Variants in HFM1 observed in about 807,000 individuals in gnomAD.
HFM1 encodes the protein helicase for meiosis 1.
A neutral mutation model predicts 192.1 loss-of-function variants in HFM1; 169 were observed. The observed-to-expected ratio is 0.88, with a 90% CI of 0.78 to 1.00. The LOEUF (loss-of-function observed/expected upper bound fraction) is 1.00, where lower values mean the gene tolerates loss of function less well. HFM1 is among the 50% of genes least tolerant of loss of function. The pLI, the probability that HFM1 is intolerant of heterozygous loss-of-function variation, is 0.00. For synonymous variants in HFM1, 525 were observed against 537.8 expected (o/e 0.98, Z 0.33); for missense variants, 1,661 against 1,668.0 (o/e 1.00, Z 0.07).
Position 91,385,817 on chromosome 1 carries a change from T to C in HFM1, c.512A>G (p.Asp171Gly). Residue 171 changes from aspartate to glycine, a missense_variant, in exon 5 of 39, where the codon GAC (aspartate) becomes GGC (glycine). Transcript: ENST00000370425. Reference protein sequence around the residue: ...VFRKRLFKISDNIHGSAYSND... With the variant: ...VFRKRLFKISGNIHGSAYSND... ...AGAATAAGCACTCCCATGTATATTG[T>C]CAGATATTTTAAATAATCTGCAAAC... 1 of 1,598,834 alleles carries C rather than the reference T, an allele frequency of 6.3e-7. No homozygotes were observed. Among genetic ancestry groups the C allele is most frequent in the Non-Finnish European group, 8.5e-7 (1 of 1,171,358 alleles).
At chr1:91,264,359 G>GTTTTTTTTTTTTTTTTT (rs1466938761) in intron 36 of HFM1, among the ~76,000 whole-genome samples, 38 of 54,046 alleles carry the variant, frequency 7.0e-4, no homozygotes, top group Middle Eastern at 8.3e-3. Context: ...CACAAATTTA[G>GTTTTTTTTTTTTTTTTT]TATTTTTTTT....
chr1:91,318,911 A>G (rs1651653041), intron 25 of HFM1, among the ~76,000 whole-genome samples, 167 bp downstream of exon 25: 1 of 152,204 alleles, frequency 6.6e-6, no homozygotes, highest in South Asian at 2.1e-4. Context: ...GAATCCTTTA[A>G]GCAGGAGCAA....
At chr1:91,288,948 C>CG in intron 30 of HFM1, among the ~76,000 whole-genome samples, 1 of 133,372 alleles carries the variant, frequency 7.5e-6, no homozygotes, top group East Asian at 2.4e-4. Flanking sequence ...CCCAGACGGG[C>CG]CGGCCGGGCA....
intron 19 of HFM1, 29 bp from the exon 20 acceptor site, chr1:91,343,539 TTTTAG>T: frequency 3.2e-6 from 3 of 947,622 alleles, no homozygotes; most frequent in Non-Finnish European, 4.7e-6. Context: ...CACATTTTAA[TTTTAG>T]TAAAATAGGG....
At chr1:91,345,541 C>T (rs1656016970) in intron 19 of HFM1, among the ~76,000 whole-genome samples, 1 of 152,152 alleles carries the variant, frequency 6.6e-6, no homozygotes, top group African/African-American at 2.4e-5. Context: ...ACAGCATATA[C>T]TATGCTAAGG....
intron 13 of HFM1, 141 bp downstream of exon 13, chr1:91,375,217 C>A: frequency 3.3e-6 from 2 of 609,258 alleles, no homozygotes; most frequent in Non-Finnish European, 2.9e-6. Context: ...TCACTTAATC[C>A]TCAAAATTAT....
At chr1:91,385,099 C>A in intron 6 of HFM1, 88 bp downstream of exon 6, 1 of 877,294 alleles carries the variant, frequency 1.1e-6, no homozygotes. Flanking sequence ...TCTCCATCAA[C>A]CAAAATAAAC....
intron 20 of HFM1, among the ~76,000 whole-genome samples, chr1:91,332,514 T>C (rs535937563): frequency 6.6e-6 from 1 of 152,236 alleles, no homozygotes; most frequent in Non-Finnish European, 1.5e-5. Flanking sequence ...CAAGAAAATA[T>C]TAGGGAAACT....
At position 91,267,865 on chromosome 1, in the gene HFM1, G is replaced by A. The variant is rs1428488850; in HGVS notation, c.3773-10C>T. 1.4e-6 allele frequency: 2 copies of A among 1,425,328 alleles called. No homozygotes were observed. The highest frequency in any genetic ancestry group is 1.9e-6 in the Non-Finnish European group (2 of 1,028,566). 88.3% of individuals were successfully genotyped at this position (1,425,328 alleles called of 1,614,324 possible). ...TTCACATTCAAAACTTCTGAAAATA[G>A]AGAATTGCTTTTATCTGCATCTGTC... On this transcript the variant is annotated splice_polypyrimidine_tract_variant and intron_variant, in intron 34 of 38. Coordinates refer to ENST00000370425, the MANE Select transcript of HFM1 (RefSeq NM_001017975.6).
At chr1:91,390,515 A>G (rs182218) in intron 4 of HFM1, among the ~76,000 whole-genome samples, 134,390 of 151,400 alleles carry the variant, frequency 0.89, 59,704 homozygotes, top group Middle Eastern at 0.92. Context: ...AGACTGATAC[A>G]TAACACAACA....
intron 6 of HFM1, among the ~76,000 whole-genome samples, chr1:91,383,049 T>C (rs1425918219): frequency 6.6e-6 from 1 of 152,164 alleles, no homozygotes; most frequent in Non-Finnish European, 1.5e-5. Context: ...ACAAATAGCA[T>C]TCAGTCTTCC....
intron 5 of HFM1, 52 bp from the exon 6 acceptor site, chr1:91,385,286 T>C: frequency 1.9e-6 from 2 of 1,075,810 alleles, no homozygotes; most frequent in South Asian, 1.4e-5. Flanking sequence ...AAATTAATGG[T>C]CAGAAGCTAG....
chr1:91,287,018 G>A (rs1231589789), intron 30 of HFM1, among the ~76,000 whole-genome samples: 11 of 152,182 alleles, frequency 7.2e-5, no homozygotes, highest in Admixed American at 3.3e-4. Flanking sequence ...CTACGCCCAC[G>A]GAGTCTCGCT....
At chr1:91,292,682 C>T (rs1421077401) in intron 30 of HFM1, among the ~76,000 whole-genome samples, 7 of 152,060 alleles carry the variant, frequency 4.6e-5, no homozygotes, top group South Asian at 2.1e-4. Context: ...TGACTTTCTT[C>T]ACAGAAATGG....
chr1:91,312,359 C>T (rs1363281627), intron 30 of HFM1, among the ~76,000 whole-genome samples: 1 of 152,080 alleles, frequency 6.6e-6, no homozygotes, highest in African/African-American at 2.4e-5. Flanking sequence ...CCTGCAAAGC[C>T]ACAGGGGTGG....
chr1:91,289,423 G>A (rs540723731), intron 30 of HFM1, among the ~76,000 whole-genome samples: 229 of 152,126 alleles, frequency 1.5e-3, no homozygotes, highest in Non-Finnish European at 2.7e-3. Context: ...GACGATGGGC[G>A]GCCAGGCAGA....
chr1:91,396,881 G>A (rs1663726571), intron 2 of HFM1, among the ~76,000 whole-genome samples: 1 of 152,216 alleles, frequency 6.6e-6, no homozygotes, highest in African/African-American at 2.4e-5. Flanking sequence ...GAACCCGGCT[G>A]CACAGCAAGA....
At chr1:91,391,465 G>A (rs1449187237) in intron 4 of HFM1, among the ~76,000 whole-genome samples, 1 of 152,196 alleles carries the variant, frequency 6.6e-6, no homozygotes, top group African/African-American at 2.4e-5. Flanking sequence ...ACAACCATCT[G>A]ATCTTTGACA....
At chr1:91,328,315 C>A in intron 20 of HFM1, 1 of 1,450,224 alleles carries the variant, frequency 6.9e-7, no homozygotes, top group East Asian at 2.3e-5. Flanking sequence ...CAGGGCAACC[C>A]TGAATCAAGC....
Sources: allele counts gnomAD v4.1 joint callset (sites outside exome capture counted in the v4.1 genomes callset), GRCh38; gene constraint gnomAD v4.1.1; transcripts MANE v1.5; gene names NCBI Gene and HGNC (gene_info 2026-07-23, HGNC 2026-07-21).